The following UBN2 variants were observed in gnomAD, a reference collection of about 807,000 sequenced individuals.
UBN2 encodes ubinuclein 2, also known as ubinuclein-2.
In UBN2, 35 loss-of-function variants were observed where a neutral mutation model predicts 120.2. That is an observed-to-expected ratio of 0.29 (90% CI 0.22 to 0.39). UBN2 has a LOEUF of 0.39. UBN2 is among the 10% of genes least tolerant of loss of function. The pLI is 1.00. For missense variants in UBN2, 1,693 were observed against 1,663.2 expected (o/e 1.02, Z -0.31); for synonymous variants, 661 against 648.7 (o/e 1.02, Z -0.29).
In UBN2 at chr7:139,266,434, TAAG is replaced by T. The variant is rs773636699; in HGVS notation, c.1466+34_1466+36del. On this transcript the variant is annotated intron_variant, in intron 7 of 17. Coordinates refer to ENST00000473989, the MANE Select transcript of UBN2 (RefSeq NM_173569.4). ...TAATTTTCTTTAAAAAAAAAAACCT[TAAG>T]AATGATACATTAAAAAATGTAATAG... 3.9e-6 allele frequency: 5 copies of T among 1,266,574 alleles called. No individual in the cohort carries two copies. In the African/African-American group the frequency reaches 7.6e-5, roughly 19 times the overall value. The allele number at this position is 1,266,574 out of a possible 1,614,324, so 78.5% of individuals were successfully genotyped here.
At chr7:139,240,447 TATATATA>T (rs994218593) in intron 2 of UBN2, among the ~76,000 whole-genome samples, 4 of 36,664 alleles carry the variant, frequency 1.1e-4, no homozygotes, top group African/African-American at 2.0e-4. Flanking sequence ...TATATATATA[TATATATA>T]TTTTTTTTTT....
At chr7:139,284,676 C>A in intron 15 of UBN2, 102 bp downstream of exon 15, 1 of 1,028,036 alleles carries the variant, frequency 9.7e-7, no homozygotes, top group Non-Finnish European at 1.4e-6. Flanking sequence ...GTGGATTGTT[C>A]TCAATTGGCT....
chr7:139,325,266 T>C, the UBN2 span, among the ~76,000 whole-genome samples: 10 of 137,432 alleles, frequency 7.3e-5, no homozygotes, highest in African/African-American at 2.2e-4. Context: ...CACTGCTTTT[T>C]TTTTTTTTTT....
intron 15 of UBN2, among the ~76,000 whole-genome samples, chr7:139,287,460 G>A (rs754635419): frequency 6.6e-6 from 1 of 152,042 alleles, no homozygotes; most frequent in Non-Finnish European, 1.5e-5. Context: ...CAGTCTGTCA[G>A]TTCTATTTTG....
At chr7:139,245,321 C>T (rs1023399733) in intron 2 of UBN2, among the ~76,000 whole-genome samples, 1 of 151,980 alleles carries the variant, frequency 6.6e-6, no homozygotes, top group African/African-American at 2.4e-5. Context: ...AATTGATATG[C>T]TTTGTGAAGA....
intron 2 of UBN2, among the ~76,000 whole-genome samples, chr7:139,243,175 A>G (rs1286913165): frequency 6.6e-6 from 1 of 152,232 alleles, no homozygotes; most frequent in Non-Finnish European, 1.5e-5. Flanking sequence ...ACTGATTGTC[A>G]GGTTAAGCAA....
rs375190822 is a variant in UBN2, at chr7:139,284,064, C to T, written c.3159C>T (p.Pro1053=). 2.1e-4 allele frequency: 344 copies of T among 1,614,044 alleles called. No homozygotes were observed. Among genetic ancestry groups the T allele is most frequent in the Non-Finnish European group, 2.8e-4 (325 of 1,180,030 alleles). The change falls in exon 15 of 18, where the codon CCC becomes CCT. Residue 1053 remains proline, a synonymous_variant. Transcript: ENST00000473989. ...PKPATSPKPL[P]SPKPSASPKP... ...CTGCCACATCTCCTAAACCCCTGCCCTCGCCTAAGCCTTCTGCCTCACCCA... is the reference window on the plus strand; with the variant it reads ...CTGCCACATCTCCTAAACCCCTGCCTTCGCCTAAGCCTTCTGCCTCACCCA...
At chr7:139,265,834 G>A (rs990466332) in intron 6 of UBN2, among the ~76,000 whole-genome samples, 1 of 152,182 alleles carries the variant, frequency 6.6e-6, no homozygotes, top group African/African-American at 2.4e-5. Flanking sequence ...AGAGCCTCTG[G>A]AGGGACCATG....
In UBN2 at chr7:139,231,719, C is replaced by A; in HGVS notation, c.235C>A (p.Arg79Ser). The A allele has an allele frequency of 8.5e-7, 1 of 1,180,320 alleles. No homozygotes were observed. Among genetic ancestry groups the A allele is most frequent in the Non-Finnish European group, 1.0e-6 (1 of 958,274 alleles). The allele number at this position is 1,180,320 out of a possible 1,614,324, so 73.1% of individuals were successfully genotyped here. A position where few individuals can be genotyped will look rare whatever the true frequency, so the allele number is the denominator to read the frequency against. ...GCCGCTCCCCCAGCGCGAGGTCAGC[C>A]GCGCCGAGCCGCCCATGTCGCTGCA... is the stretch of plus-strand genomic sequence containing the variant. ...EKPLPQREVS[R>S]AEPPMSLQRE... Residue 79 changes from arginine (R) to serine (S), a missense_variant, in exon 1 of 18, where the codon CGC (arginine) becomes AGC (serine). This residue lies in a region of UBN2 where 663 missense variants were observed against 591.2 expected (regional missense o/e 1.12). Transcript: ENST00000473989.
chr7:139,257,289 C>T (rs1389131588), intron 3 of UBN2, among the ~76,000 whole-genome samples: 1 of 152,228 alleles, frequency 6.6e-6, no homozygotes, highest in Non-Finnish European at 1.5e-5. Flanking sequence ...AAGCAAAGTA[C>T]CTCCTCATTC....
intron 12 of UBN2, among the ~76,000 whole-genome samples, chr7:139,278,487 C>T (rs1448537119): frequency 1.3e-5 from 2 of 152,032 alleles, no homozygotes; most frequent in Non-Finnish European, 2.9e-5. Context: ...CCTCCTTCTC[C>T]CTTTTTTTAA....
chr7:139,293,616 T>G, intron 16 of UBN2, 153 bp downstream of exon 16: 1 of 688,942 alleles, frequency 1.5e-6, no homozygotes, highest in Non-Finnish European at 2.4e-6. Flanking sequence ...ATATAGTAAG[T>G]CAAATTATTG....
At chr7:139,272,825 A>G (rs1563217438) in intron 9 of UBN2, among the ~76,000 whole-genome samples, 1 of 152,162 alleles carries the variant, frequency 6.6e-6, no homozygotes, top group African/African-American at 2.4e-5. Context: ...CTGCACCTGG[A>G]CGTGCATTTG....
chr7:139,277,158 T>C (rs1362404777), intron 12 of UBN2: 1 of 152,214 alleles, frequency 6.6e-6, no homozygotes, highest in East Asian at 1.9e-4. Context: ...GAGAGGTCTG[T>C]TTAATATCTT....
At chr7:139,288,117 A>C (rs1166400033) in intron 15 of UBN2, among the ~76,000 whole-genome samples, 2 of 152,160 alleles carry the variant, frequency 1.3e-5, no homozygotes, top group Non-Finnish European at 2.9e-5. Flanking sequence ...TTCATTCATT[A>C]AGCAAATGTT....
In UBN2 at chr7:139,303,972, T is replaced by G. The variant is rs1429770414; in HGVS notation, c.*6136T>G. On this transcript the variant is annotated 3_prime_UTR_variant, in exon 18 of 18. Transcript: ENST00000473989. ...AGTTATGATGCTTGGTTATTGGAGTTGATAAATGATCCTGGAAGTTTTAAC... is the reference window on the plus strand; with the variant it reads ...AGTTATGATGCTTGGTTATTGGAGTGGATAAATGATCCTGGAAGTTTTAAC... 1.3e-5 allele frequency: 2 copies of G among 152,216 alleles called. No homozygotes were observed. Among genetic ancestry groups the G allele is most frequent in the African/African-American group, 4.8e-5 (2 of 41,458 alleles). The allele number at this position is 152,216 out of a possible 1,614,324, so 9.4% of individuals were successfully genotyped here.
chr7:139,316,560 A>G, the UBN2 span, among the ~76,000 whole-genome samples: 1 of 152,104 alleles, frequency 6.6e-6, no homozygotes, highest in Non-Finnish European at 1.5e-5. Context: ...CTTGGCCAAC[A>G]CGGTGAAAAC....
At position 139,276,057 on chromosome 7, in the gene UBN2, T is replaced by C. The variant is rs376215574; in HGVS notation, c.1974-40T>C. The C allele has an allele frequency of 4.3e-5, 64 of 1,504,908 alleles. No homozygotes were observed. The African/African-American group carries it at 6.4e-4, about 15-fold the overall frequency. 93.2% of individuals were successfully genotyped at this position (1,504,908 alleles called of 1,614,324 possible). On this transcript the variant is annotated intron_variant, in intron 11 of 17. Transcript: ENST00000473989. ...ATAAAACAATTATGTTACTATCTGC[T>C]ATAAAGAAAATAATAATTGTGTTCT...
At chr7:139,235,559 A>AAACTAGCTGGTG (rs1450592723) in intron 1 of UBN2, among the ~76,000 whole-genome samples, 2 of 152,040 alleles carry the variant, frequency 1.3e-5, no homozygotes, top group Non-Finnish European at 2.9e-5. Context: ...GGCGTGTGCC[A>AAACTAGCTGGTG]CCACACCCAG....
Sources: gnomAD v4.1 joint callset for allele counts (sites outside exome capture counted in the v4.1 genomes callset) on GRCh38, gnomAD v4.1.1 for gene constraint, gnomAD v4.1.1 regional missense constraint, MANE v1.5 for transcripts, NCBI Gene and HGNC (gene_info 2026-07-23, HGNC 2026-07-21) for gene names.